Variants in ADGRB1 observed in about 807,000 individuals in gnomAD.
ADGRB1 encodes adhesion G protein-coupled receptor B1, also known as brain-specific angiogenesis inhibitor 1.
A neutral mutation model predicts 175.7 loss-of-function variants in ADGRB1; 36 were observed. The observed-to-expected ratio is 0.20, with a 90% CI of 0.16 to 0.27. ADGRB1 has a LOEUF of 0.27. Ranked by LOEUF, ADGRB1 falls within the 10% of genes least tolerant of loss-of-function variation. The probability of loss-of-function intolerance (pLI) is 1.00; values close to 1 mark genes in which losing one functional copy is unlikely to be tolerated. For missense variants in ADGRB1, 1,731 were observed against 2,255.3 expected (o/e 0.77, Z 4.71); for synonymous variants, 1,054 against 979.4 (o/e 1.08, Z -1.42).
In ADGRB1 at chr8:142,474,973, T is replaced by C. The variant is rs767234191; in HGVS notation, c.785-501T>C. Among the ~76,000 whole-genome samples the C allele has an allele frequency of 2.6e-5, 4 of 152,016 alleles. No individual in the cohort carries two copies. The highest frequency in any genetic ancestry group is 6.5e-5 in the Admixed American group (1 of 15,284). ...CGTGGGGTGAAGAAGCGGCTCCAGG[T>C]CACAGCTGGGGTGTGAAATGTGGAG... On this transcript the variant is annotated intron_variant, in intron 2 of 30. Transcript: ENST00000517894. The surrounding 1 kb of genome is among the most constrained non-coding windows in gnomAD (Gnocchi z 5.8).
chr8:142,526,512 C>CCCCCCCCCCCCCCCA, intron 23 of ADGRB1, 30 bp from the exon 24 acceptor site: 1 of 1,327,418 alleles, frequency 7.5e-7, no homozygotes, highest in Non-Finnish European at 1.1e-6. Flanking sequence ...GGCCCCCACC[C>CCCCCCCCCCCCCCCA]CCACACCCCC....
rs1840990426 is a variant in ADGRB1, at chr8:142,476,627, C to T, written c.989C>T (p.Thr330Ile). 1 of 1,548,794 alleles carries T rather than the reference C, an allele frequency of 6.5e-7. No homozygotes were observed. The highest frequency in any genetic ancestry group is 1.2e-5 in the South Asian group (1 of 84,002). ...TSSRSQSLRS[T>I]DARRREELGD... ...TCCCGGAGCCAGTCCCTGCGGTCCA[C>T]AGATGCCCGGCGGCGCGAGGAGCTG... The change falls in exon 4 of 31, where the codon ACA becomes ATA. Residue 330 changes from threonine (T) to isoleucine (I), a missense_variant. Physicochemically the swap from Thr to Ile is moderately conservative, Grantham distance 89. Transcript: ENST00000517894.
intron 13 of ADGRB1, among the ~76,000 whole-genome samples, chr8:142,486,028 A>G (rs948614119): frequency 3.3e-5 from 5 of 152,204 alleles, no homozygotes; most frequent in Non-Finnish European, 5.9e-5. Context: ...AGGCCCCACC[A>G]CCAAGTACCA....
At position 142,464,948 on chromosome 8, in the gene ADGRB1, C is replaced by T. The variant is rs1270964889; in HGVS notation, c.750C>T (p.Ser250=). 1.3e-6 allele frequency: 2 copies of T among 1,528,186 alleles called. No individual in the cohort carries two copies. The highest frequency in any genetic ancestry group is 1.4e-5 in the African/African-American group (1 of 71,964). 94.7% of individuals were successfully genotyped at this position (1,528,186 alleles called of 1,614,324 possible). A position where few individuals can be genotyped will look rare whatever the true frequency, so the allele number is the denominator to read the frequency against. Residue 250 remains serine, a synonymous_variant, in exon 2 of 31, where the codon AGC becomes AGT. Transcript: ENST00000517894. The part of the protein sequence containing the change: ...VAGGPENCLT[S]LTQDRGGHGA... ...GTGGCCCTGAAAACTGCCTCACCAG[C>T]CTGACCCAGGACCGGGGCGGGCACG...
In ADGRB1 at chr8:142,542,604, C is replaced by A; in HGVS notation, c.4370C>A (p.Thr1457Asn). 2 of 1,550,220 alleles carry A rather than the reference C, an allele frequency of 1.3e-6. No individual in the cohort carries two copies. The highest frequency in any genetic ancestry group is 3.9e-5 in the Admixed American group (2 of 51,344). ...CCGGGACCCAGCACGGGGCCCAGCACCAAGAACGAGAATGTCGCCACCTTG... is the reference window on the plus strand; with the variant it reads ...CCGGGACCCAGCACGGGGCCCAGCAACAAGAACGAGAATGTCGCCACCTTG... ...AHPGPSTGPSTKNENVATLSV... is the reference protein window; with the variant it reads ...AHPGPSTGPSNKNENVATLSV... Residue 1457 changes from threonine to asparagine, a missense_variant, in exon 28 of 31, where the codon ACC becomes AAC. Transcript: ENST00000517894. The surrounding 1 kb of genome is among the most constrained non-coding windows in gnomAD (Gnocchi z 6.3).
chr8:142,532,735 T>C (rs1193987845), intron 24 of ADGRB1, among the ~76,000 whole-genome samples: 1 of 152,162 alleles, frequency 6.6e-6, no homozygotes, highest in Non-Finnish European at 1.5e-5. Context: ...CATCTTGCTC[T>C]GCCCTTCAGG....
intron 2 of ADGRB1, among the ~76,000 whole-genome samples, chr8:142,471,787 C>T (rs965541280): frequency 6.6e-6 from 1 of 152,228 alleles, no homozygotes; most frequent in African/African-American, 2.4e-5. Flanking sequence ...GGGGACCAGC[C>T]ACTTGGGCAC....
At chr8:142,456,542 A>G (rs1057468028) in intron 1 of ADGRB1, among the ~76,000 whole-genome samples, 16 of 151,916 alleles carry the variant, frequency 1.1e-4, no homozygotes, top group African/African-American at 3.9e-4. Context: ...CACCACTCAC[A>G]CCTGCACAGC....
At position 142,542,380 on chromosome 8, in the gene ADGRB1, G is replaced by A. The variant is rs745804179; in HGVS notation, c.4146G>A (p.Thr1382=). 26 of 1,566,804 alleles carry A rather than the reference G, an allele frequency of 1.7e-5. No individual in the cohort carries two copies. Among genetic ancestry groups the A allele is most frequent in the Non-Finnish European group, 1.9e-5 (22 of 1,157,908 alleles). Residue 1382 remains threonine (T), a synonymous_variant, in exon 28 of 31, where the codon ACG becomes ACA. Transcript: ENST00000517894. The surrounding 1 kb of genome is among the most constrained non-coding windows in gnomAD (Gnocchi z 6.3). ...MPQTRLIHLS[T]APEASLPARS... ...AGACCCGCCTCATCCACCTCAGCAC[G>A]GCCCCCGAGGCCAGCCTCCCCGCCC...
chr8:142,539,388 G>T lies in ADGRB1; in HGVS notation c.3681G>T (p.Lys1227Asn). Residue 1227 changes from lysine to asparagine, a missense_variant, in exon 27 of 31, where the codon AAG becomes AAT. By Grantham distance (94) the Lys-to-Asn change is moderately conservative (BLOSUM62 0). Coordinates refer to ENST00000517894, the MANE Select transcript of ADGRB1 (RefSeq NM_001702.3). ...GHAQLMTDFE[K>N]DVDLACRSVL... ...CTGTCCTACAGACCGACTTCGAGAA[G>T]GACGTGGATCTGGCCTGTAGATCAG... 1 of 1,597,600 alleles carries T rather than the reference G, an allele frequency of 6.3e-7. No individual in the cohort carries two copies. Among genetic ancestry groups the T allele is most frequent in the East Asian group, 2.3e-5 (1 of 43,878 alleles).
chr8:142,453,218 C>T (rs1336003428), intron 1 of ADGRB1, among the ~76,000 whole-genome samples: 2 of 152,146 alleles, frequency 1.3e-5, no homozygotes, highest in Non-Finnish European at 2.9e-5. Flanking sequence ...CGTGCCCGTC[C>T]GGGAGGCTGG....
At chr8:142,468,935 C>G (rs1307275748) in intron 2 of ADGRB1, among the ~76,000 whole-genome samples, 3 of 152,252 alleles carry the variant, frequency 2.0e-5, no homozygotes, top group Non-Finnish European at 2.9e-5. Flanking sequence ...CTGACGTGCC[C>G]CCCAACGTGT....
intron 17 of ADGRB1, among the ~76,000 whole-genome samples, chr8:142,502,261 T>C (rs1842619738): frequency 6.9e-6 from 1 of 144,340 alleles, no homozygotes; most frequent in Non-Finnish European, 1.5e-5. Flanking sequence ...CTGGTGGTGA[T>C]GATGGGGTGG....
intron 20 of ADGRB1, 123 bp from the exon 21 acceptor site, chr8:142,521,842 C>A: frequency 8.7e-7 from 1 of 1,155,012 alleles, no homozygotes; most frequent in Non-Finnish European, 1.2e-6. Flanking sequence ...TGCCTGGGGA[C>A]CTGGTTGGGT....
intron 1 of ADGRB1, among the ~76,000 whole-genome samples, chr8:142,461,078 C>T (rs1264425227): frequency 2.6e-5 from 4 of 152,202 alleles, no homozygotes; most frequent in East Asian, 1.9e-4. Context: ...GGTCTCCACT[C>T]GGCTCAGCTC....
At chr8:142,450,472 C>G (rs1839277992) in intron 1 of ADGRB1, among the ~76,000 whole-genome samples, 1 of 152,154 alleles carries the variant, frequency 6.6e-6, no homozygotes, top group African/African-American at 2.4e-5. Context: ...GGAGGGCGTT[C>G]CCGCTGTACC....
chr8:142,456,012 G>C (rs957685532), intron 1 of ADGRB1, among the ~76,000 whole-genome samples: 1 of 152,134 alleles, frequency 6.6e-6, no homozygotes, highest in African/African-American at 2.4e-5. Context: ...GTCTTGGTGA[G>C]GCCCCAGTTC....
rs374670922 is a variant in ADGRB1, at chr8:142,524,295, C to T, written c.3303C>T (p.Ala1101=). The T allele has an allele frequency of 1.2e-4, 184 of 1,599,480 alleles. No homozygotes were observed. The African/African-American group carries it at 1.2e-3, about 10-fold the overall frequency. The change falls in exon 23 of 31, where the codon GCC becomes GCT. Residue 1101 remains alanine, a synonymous_variant. Coordinates refer to ENST00000517894, the MANE Select transcript of ADGRB1 (RefSeq NM_001702.3). ...LLYAFVGPAA[A]VVLVNMVIGI... is the part of the protein sequence containing the mutation. ...ATGCCTTCGTGGGACCTGCCGCTGC[C>T]GTTGTGCTGGTACTGACCCGCCCAG...
chr8:142,528,350 C>T (rs1247805111), intron 24 of ADGRB1, among the ~76,000 whole-genome samples: 1 of 152,190 alleles, frequency 6.6e-6, no homozygotes, highest in Non-Finnish European at 1.5e-5. Context: ...ACTTGCAGCC[C>T]TCAGCCCTGC....
Sources: allele counts gnomAD v4.1 joint callset (sites outside exome capture counted in the v4.1 genomes callset), GRCh38; gene constraint gnomAD v4.1.1; non-coding constraint Gnocchi (gnomAD v3.1); transcripts MANE v1.5; gene names NCBI Gene and HGNC (gene_info 2026-07-23, HGNC 2026-07-21).